Variants in ADD3 observed in about 807,000 individuals in gnomAD.
ADD3 encodes the protein adducin 3.
ADD3 carries 25 observed loss-of-function variants against 80.2 expected under a neutral mutation model. That is an observed-to-expected ratio of 0.31 (90% CI 0.23 to 0.44). ADD3 has a LOEUF of 0.44. Among genes scored for constraint, ADD3 ranks in the 20% least tolerant of loss-of-function variants. The pLI, the probability that ADD3 is intolerant of heterozygous loss-of-function variation, is 1.00. For missense variants in ADD3, 829 were observed against 847.5 expected, an observed-to-expected ratio of 0.98 and a Z score of 0.27; for synonymous variants, 284 against 289.6, an observed-to-expected ratio of 0.98 and a Z score of 0.20.
At position 110,117,328 on chromosome 10, in the gene ADD3, G is replaced by GT. The variant is rs768539322; in HGVS notation, c.487-5dup. On this transcript the variant is annotated splice_polypyrimidine_tract_variant and intron_variant, in intron 4 of 14. Coordinates refer to ENST00000356080, the MANE Select transcript of ADD3 (RefSeq NM_016824.5). ...AACCACTTCATAGTAATTCCCTGTT[G>GT]TTTTTTTTTCCAGGTAAGAATAAGT... 3.3e-3 allele frequency: 4,640 copies of GT among 1,399,148 alleles called. No individual in the cohort carries two copies. Among genetic ancestry groups the GT allele is most frequent in the South Asian group, 4.3e-3 (347 of 80,450 alleles). 86.7% of individuals were successfully genotyped at this position (1,399,148 alleles called of 1,614,324 possible).
chr10:110,053,457 C>T (rs1477874415), intron 1 of ADD3, among the ~76,000 whole-genome samples: 1 of 152,018 alleles, frequency 6.6e-6, no homozygotes, highest in African/African-American at 2.4e-5. Context: ...GTCTGCATTT[C>T]TAGTAATACT....
intron 1 of ADD3, among the ~76,000 whole-genome samples, chr10:110,054,972 A>G (rs1390270899): frequency 1.3e-5 from 2 of 152,244 alleles, no homozygotes; most frequent in Admixed American, 6.5e-5. Context: ...CATGTTGGCC[A>G]GGCTGGTTTT....
At chr10:110,051,367 T>C (rs747216613) in intron 1 of ADD3, among the ~76,000 whole-genome samples, 23 of 152,226 alleles carry the variant, frequency 1.5e-4, no homozygotes, top group Admixed American at 8.5e-4. Flanking sequence ...GCTTGTAATG[T>C]AAAATGGTGC....
At chr10:110,019,799 A>C (rs565238612) in intron 1 of ADD3, among the ~76,000 whole-genome samples, 1 of 152,208 alleles carries the variant, frequency 6.6e-6, no homozygotes, top group African/African-American at 2.4e-5. Context: ...CAAGAAACCT[A>C]TGATTGTACT....
At chr10:110,002,895 T>C (rs1380215786), upstream of ADD3, among the ~76,000 whole-genome samples, 1 of 152,224 alleles carries the variant, frequency 6.6e-6, no homozygotes, top group Non-Finnish European at 1.5e-5. Context: ...TAATAAAATA[T>C]GTTGACGAAT....
upstream of ADD3, among the ~76,000 whole-genome samples, chr10:110,001,951 T>A (rs1230973695): frequency 6.6e-6 from 1 of 152,346 alleles, no homozygotes; most frequent in East Asian, 1.9e-4. Flanking sequence ...AGGTTTCACA[T>A]AGCAATTGCA....
chr10:110,107,756 A>G (rs1264834010), intron 2 of ADD3, among the ~76,000 whole-genome samples: 2 of 152,174 alleles, frequency 1.3e-5, no homozygotes, highest in Non-Finnish European at 2.9e-5. Context: ...ATAAAATAAC[A>G]TAAGAGCATG....
chr10:110,030,001 T>G (rs1035259694), intron 1 of ADD3, among the ~76,000 whole-genome samples: 17 of 152,242 alleles, frequency 1.1e-4, no homozygotes, highest in Non-Finnish European at 1.9e-4. Flanking sequence ...TGATGATAGC[T>G]GACCTGACTG....
In ADD3 at chr10:110,119,231, G is replaced by C; in HGVS notation, c.738G>C (p.Gly246=). 6.2e-7 allele frequency: 1 copy of C among 1,614,140 alleles called. No homozygotes were observed. Among genetic ancestry groups the C allele is most frequent in the East Asian group, 2.2e-5 (1 of 44,872 alleles). The change falls in exon 7 of 15, where the codon GGG becomes GGC. Residue 246 remains glycine, a synonymous_variant. Transcript: ENST00000356080. ...ATAAVSSMKC[G]ILPISQESLL... ...AATAGGTATCCTCCATGAAATGTGGGATCCTTCCAATTTCTCAAGAGTCTC... is the reference window on the plus strand; with the variant it reads ...AATAGGTATCCTCCATGAAATGTGGCATCCTTCCAATTTCTCAAGAGTCTC...
At chr10:110,038,888 C>T (rs1855970100) in intron 1 of ADD3, among the ~76,000 whole-genome samples, 1 of 151,972 alleles carries the variant, frequency 6.6e-6, no homozygotes, top group South Asian at 2.1e-4. Flanking sequence ...TGTTTATTTG[C>T]TTAGAAAGAT....
Position 110,109,533 on chromosome 10 carries a change from C to T in ADD3, c.196-3244C>T, listed in dbSNP as rs529604225. Among the ~76,000 whole-genome samples, 7 of 152,254 alleles carry T rather than the reference C, an allele frequency of 4.6e-5. 1 individual carries two copies. The South Asian group carries it at 1.0e-3, about 23-fold the overall frequency. Reference sequence around the variant, plus strand: ...TTAATAAAATAGATAATGCCTACTTCTCCAAGTTATTGTAATATATGTAAT... The same window carrying T: ...TTAATAAAATAGATAATGCCTACTTTTCCAAGTTATTGTAATATATGTAAT... On this transcript the variant is annotated intron_variant, in intron 2 of 14. Transcript: ENST00000356080.
intron 1 of ADD3, among the ~76,000 whole-genome samples, chr10:110,069,002 G>A (rs373887632): frequency 2.6e-5 from 4 of 151,956 alleles, no homozygotes; most frequent in Non-Finnish European, 5.9e-5. Context: ...ATTTGAGCCC[G>A]GGGAGGTTGT....
At chr10:110,125,492 G>A (rs912126105) in intron 10 of ADD3, among the ~76,000 whole-genome samples, 20 of 151,450 alleles carry the variant, frequency 1.3e-4, no homozygotes, top group African/African-American at 4.6e-4. Flanking sequence ...CAGTGCAGAA[G>A]ACAAAACACT....
chr10:110,054,762 T>A (rs1007947023), intron 1 of ADD3, among the ~76,000 whole-genome samples: 1 of 152,000 alleles, frequency 6.6e-6, no homozygotes, highest in East Asian at 1.9e-4. Context: ...TACAGGTGCC[T>A]GCCACCATGC....
In ADD3 at chr10:110,078,051, G is replaced by C. The variant is rs182989380; in HGVS notation, c.-29-22574G>C. On this transcript the variant is annotated intron_variant, in intron 1 of 14. Transcript: ENST00000356080. ...ATGGCTAATTTCTGTAAGGCTTGCAGGGGTGACATTGTGTCATCCTTTTTG... is the reference window on the plus strand; with the variant it reads ...ATGGCTAATTTCTGTAAGGCTTGCACGGGTGACATTGTGTCATCCTTTTTG... Among the ~76,000 whole-genome samples the C allele has an allele frequency of 1.3e-3, 196 of 152,320 alleles. 1 individual carries two copies. The highest frequency in any genetic ancestry group is 4.2e-3 in the Admixed American group (64 of 15,304).
At chr10:110,128,708 C>T (rs749014335) in intron 12 of ADD3, among the ~76,000 whole-genome samples, 4 of 152,142 alleles carry the variant, frequency 2.6e-5, no homozygotes, top group African/African-American at 4.8e-5. Flanking sequence ...TGAGCCACCA[C>T]GCCCAGCCAA....
At chr10:110,001,457 A>G (rs534838435), upstream of ADD3, among the ~76,000 whole-genome samples, 56 of 152,054 alleles carry the variant, frequency 3.7e-4, no homozygotes, top group African/African-American at 1.3e-3. Context: ...GAGAGGTTAA[A>G]TATTTTGCAC....
chr10:110,001,189 T>C (rs1277096338), upstream of ADD3, among the ~76,000 whole-genome samples: 1 of 151,810 alleles, frequency 6.6e-6, no homozygotes, highest in Non-Finnish European at 1.5e-5. Context: ...CCGAGGTGGG[T>C]GGGTCACTTG....
intron 1 of ADD3, among the ~76,000 whole-genome samples, chr10:110,062,716 C>T (rs1859079847): frequency 1.3e-5 from 2 of 152,178 alleles, no homozygotes; most frequent in Non-Finnish European, 2.9e-5. Flanking sequence ...AGGAATCTTC[C>T]TCCCAGCCTT....
Sources: allele counts gnomAD v4.1 joint callset (sites outside exome capture counted in the v4.1 genomes callset), GRCh38; gene constraint gnomAD v4.1.1; transcripts MANE v1.5; gene names NCBI Gene and HGNC (gene_info 2026-07-23, HGNC 2026-07-21).